Variants in SNTG1 observed in about 807,000 individuals in gnomAD.
The protein encoded by SNTG1 is syntrophin gamma 1, also known as gamma-1-syntrophin.
SNTG1 carries 39 observed loss-of-function variants against 74.7 expected under a neutral mutation model. The ratio of observed to expected loss-of-function variants is 0.52; its 90% CI spans 0.40 to 0.68. The LOEUF (loss-of-function observed/expected upper bound fraction) is 0.68. Ranked by LOEUF, SNTG1 falls within the 30% of genes least tolerant of loss-of-function variation. The pLI is 0.00. For missense variants in SNTG1, 685 were observed against 609.5 expected, an observed-to-expected ratio of 1.12 and a Z score of -1.30; for synonymous variants, 254 against 217.1, an observed-to-expected ratio of 1.17 and a Z score of -1.49.
Position 49,938,586 on chromosome 8 carries a change from TC to T in SNTG1, c.-103+26356del, listed in dbSNP as rs1250979347. Among the ~76,000 whole-genome samples, 388 of 39,236 alleles carry T rather than the reference TC, an allele frequency of 9.9e-3. 20 individuals carry two copies. Among genetic ancestry groups the T allele is most frequent in the African/African-American group, 0.028 (366 of 13,002 alleles). The allele number at this position is 39,236 out of a possible 152,430, so 25.7% of individuals were successfully genotyped here. Reference sequence around the variant, plus strand: ...TCTTTTCTTTTCTTTTCTTTTCTTTTCTTTTCTTTTCTTTTCTTTTCTTTCT... The same window carrying T: ...TCTTTTCTTTTCTTTTCTTTTCTTTTTTTTCTTTTCTTTTCTTTTCTTTCT... On this transcript the variant is annotated intron_variant, in intron 1 of 18. Coordinates refer to ENST00000642720, the MANE Select transcript of SNTG1 (RefSeq NM_018967.5).
chr8:50,474,771 T>C (rs1015748436), intron 8 of SNTG1, among the ~76,000 whole-genome samples: 5 of 152,122 alleles, frequency 3.3e-5, no homozygotes, highest in Admixed American at 3.3e-4. Flanking sequence ...TAAAGACACA[T>C]GCACACGTAT....
intron 1 of SNTG1, among the ~76,000 whole-genome samples, chr8:50,112,686 C>T (rs2080646370): frequency 1.3e-5 from 2 of 151,714 alleles, no homozygotes; most frequent in Admixed American, 6.6e-5. Context: ...CCACACTTGG[C>T]TAATTTTTGT....
intron 3 of SNTG1, among the ~76,000 whole-genome samples, chr8:50,398,360 C>T (rs1281567747): frequency 6.6e-6 from 1 of 152,232 alleles, no homozygotes; most frequent in Non-Finnish European, 1.5e-5. Context: ...CCCTGCTGGA[C>T]CACACAGGCT....
intron 4 of SNTG1, among the ~76,000 whole-genome samples, chr8:50,422,515 T>A (rs2093104835): frequency 6.6e-6 from 1 of 151,652 alleles, no homozygotes; most frequent in Non-Finnish European, 1.5e-5. Context: ...AAAGAAAGAG[T>A]TTAATTGACA....
chr8:50,083,611 G>T lies in SNTG1; in HGVS notation c.-102-88950G>T, dbSNP rs910115530. Among the ~76,000 whole-genome samples the T allele has an allele frequency of 2.0e-5, 3 of 152,264 alleles. No individual in the cohort carries two copies. The East Asian group carries it at 5.8e-4, about 29-fold the overall frequency. ...AATATTTTTTCACTAACAGAATTCT[G>T]TTAATCAGAAATAGTGTATGATACA... On this transcript the variant is annotated intron_variant, in intron 1 of 18. Transcript: ENST00000642720.
At chr8:50,368,275 C>T (rs554579669) in intron 2 of SNTG1, among the ~76,000 whole-genome samples, 3 of 152,154 alleles carry the variant, frequency 2.0e-5, no homozygotes, top group East Asian at 1.9e-4. Flanking sequence ...AAAAATAGCA[C>T]TTATAAGTGA....
At chr8:50,016,612 G>A (rs1816341187) in intron 1 of SNTG1, among the ~76,000 whole-genome samples, 3 of 152,094 alleles carry the variant, frequency 2.0e-5, no homozygotes, top group African/African-American at 7.2e-5. Context: ...CAAATGCATT[G>A]TTGATGATGC....
chr8:50,772,791 T>C (rs992545947), intron 18 of SNTG1, among the ~76,000 whole-genome samples: 1 of 152,096 alleles, frequency 6.6e-6, no homozygotes, highest in Non-Finnish European at 1.5e-5. Flanking sequence ...AATAAATTAA[T>C]TCCCTGCTGC....
chr8:50,314,450 CT>C (rs2090239243), intron 2 of SNTG1, among the ~76,000 whole-genome samples: 1 of 149,656 alleles, frequency 6.7e-6, no homozygotes, highest in Non-Finnish European at 1.5e-5. Context: ...CCTGTTCCCT[CT>C]TTTACTCTAG....
At chr8:50,495,143 G>A (rs2093892636) in intron 8 of SNTG1, among the ~76,000 whole-genome samples, 1 of 152,166 alleles carries the variant, frequency 6.6e-6, no homozygotes, top group South Asian at 2.1e-4. Context: ...CATATAACCA[G>A]ATGGACCTTC....
chr8:50,059,730 T>C (rs999565138), intron 1 of SNTG1, among the ~76,000 whole-genome samples: 6 of 152,154 alleles, frequency 3.9e-5, no homozygotes, highest in African/African-American at 7.2e-5. Flanking sequence ...ATTTTACTTA[T>C]ACATTTATCA....
intron 1 of SNTG1, among the ~76,000 whole-genome samples, chr8:50,073,339 A>G (rs1821541839): frequency 6.6e-6 from 1 of 152,210 alleles, no homozygotes; most frequent in Non-Finnish European, 1.5e-5. Context: ...TTCAAGTTTT[A>G]TCATGAGCTC....
At chr8:49,955,379 G>T (rs1237154752) in intron 1 of SNTG1, among the ~76,000 whole-genome samples, 1 of 152,184 alleles carries the variant, frequency 6.6e-6, no homozygotes, top group Non-Finnish European at 1.5e-5. Context: ...TCTTCATAAG[G>T]AGCTCAGCAC....
chr8:49,952,302 T>C (rs1657306497), intron 1 of SNTG1, among the ~76,000 whole-genome samples: 1 of 152,160 alleles, frequency 6.6e-6, no homozygotes, highest in African/African-American at 2.4e-5. Context: ...TTTGTGCTGT[T>C]GTGTTAAACA....
At chr8:50,263,195 G>A (rs910064366) in intron 2 of SNTG1, among the ~76,000 whole-genome samples, 10 of 152,268 alleles carry the variant, frequency 6.6e-5, no homozygotes, top group Middle Eastern at 3.4e-3. Context: ...TAGGCTATGC[G>A]TGTGTGGATA....
At chr8:50,721,542 CTA>C (rs1491459968) in intron 17 of SNTG1, among the ~76,000 whole-genome samples, 1 of 152,110 alleles carries the variant, frequency 6.6e-6, no homozygotes, top group Non-Finnish European at 1.5e-5. Flanking sequence ...AAATGGGACT[CTA>C]AGTCTTTCCT....
At chr8:50,206,663 T>C (rs2084255746) in intron 2 of SNTG1, among the ~76,000 whole-genome samples, 1 of 152,224 alleles carries the variant, frequency 6.6e-6, no homozygotes, top group South Asian at 2.1e-4. Context: ...AAGGGGATGC[T>C]TCCAGTTTTT....
chr8:50,353,686 T>G (rs2091736357), intron 2 of SNTG1, among the ~76,000 whole-genome samples: 1 of 152,192 alleles, frequency 6.6e-6, no homozygotes, highest in East Asian at 1.9e-4. Context: ...TGCTTTTATG[T>G]TGTTTCCCCA....
chr8:50,368,929 C>T (rs989227794), intron 2 of SNTG1, among the ~76,000 whole-genome samples: 1 of 152,084 alleles, frequency 6.6e-6, no homozygotes, highest in Non-Finnish European at 1.5e-5. Context: ...ATAACTTGTC[C>T]GTTTCACAGG....
Sources: allele counts gnomAD v4.1 joint callset (sites outside exome capture counted in the v4.1 genomes callset), GRCh38; gene constraint gnomAD v4.1.1; transcripts MANE v1.5; gene names NCBI Gene and HGNC (gene_info 2026-07-23, HGNC 2026-07-21).